RBFOX1: variants seen among roughly 807,000 people sequenced by gnomAD.
RBFOX1 encodes the protein RNA binding protein fox-1 homolog 1.
RBFOX1 carries 8 observed loss-of-function variants against 57.7 expected under a neutral mutation model. That is an observed-to-expected ratio of 0.14 (90% CI 0.08 to 0.25). The LOEUF is 0.25. RBFOX1 is among the 10% of genes least tolerant of loss of function. RBFOX1 has a pLI of 1.00. For synonymous variants in RBFOX1, 326 were observed against 222.4 expected, an observed-to-expected ratio of 1.47 and a Z score of -4.15; for missense variants, 611 against 548.5, an observed-to-expected ratio of 1.11 and a Z score of -1.14.
intron 3 of RBFOX1, among the ~76,000 whole-genome samples, chr16:6,961,822 G>A (rs533855521): frequency 3.3e-5 from 5 of 152,216 alleles, no homozygotes; most frequent in African/African-American, 9.6e-5. Flanking sequence ...AATGTATAAT[G>A]AGCAGTGAGA....
chr16:5,631,981 C>A (rs1279421766), intron 3 of RBFOX1, among the ~76,000 whole-genome samples: 1 of 152,140 alleles, frequency 6.6e-6, no homozygotes, highest in Non-Finnish European at 1.5e-5. Context: ...CACCTGTTTG[C>A]TCTCTATAAG....
chr16:6,020,526 T>TGGG (rs2095050305), intron 1 of RBFOX1, among the ~76,000 whole-genome samples: 1 of 152,102 alleles, frequency 6.6e-6, no homozygotes, highest in South Asian at 2.1e-4. Context: ...TTACTGGCAC[T>TGGG]GGAATCGATG....
At chr16:6,903,435 G>A (rs1347236959) in intron 3 of RBFOX1, among the ~76,000 whole-genome samples, 1 of 152,206 alleles carries the variant, frequency 6.6e-6, no homozygotes, top group African/African-American at 2.4e-5. Flanking sequence ...GATCCGTGAA[G>A]TCTGCCATCA....
At chr16:7,693,693 G>A (rs941569545) in intron 14 of RBFOX1, among the ~76,000 whole-genome samples, 7 of 152,102 alleles carry the variant, frequency 4.6e-5, no homozygotes, top group African/African-American at 1.7e-4. Context: ...AGGAAGATTA[G>A]GTACACAGAC....
At chr16:6,384,010 C>T (rs750618476) in intron 2 of RBFOX1, among the ~76,000 whole-genome samples, 1 of 151,028 alleles carries the variant, frequency 6.6e-6, no homozygotes, top group African/African-American at 2.4e-5. Flanking sequence ...TCTCTTTCTA[C>T]CCTGAAATGT....
intron 4 of RBFOX1, among the ~76,000 whole-genome samples, chr16:7,321,812 G>A (rs1406980884): frequency 6.6e-6 from 1 of 152,186 alleles, no homozygotes; most frequent in African/African-American, 2.4e-5. Context: ...GTCCCACAAG[G>A]ACACTGCTAA....
intron 3 of RBFOX1, among the ~76,000 whole-genome samples, chr16:5,690,215 C>G (rs927300284): frequency 6.6e-5 from 10 of 152,232 alleles, no homozygotes; most frequent in African/African-American, 2.2e-4. Context: ...ACATTGAAGA[C>G]AGTCATCCAT....
At chr16:7,347,991 G>T (rs74467034) in intron 4 of RBFOX1, among the ~76,000 whole-genome samples, 2 of 152,156 alleles carry the variant, frequency 1.3e-5, no homozygotes, top group Non-Finnish European at 2.9e-5. Flanking sequence ...GCCCACCTTG[G>T]TGCCAGTCTT....
At chr16:7,545,898 C>G (rs1358793525) in intron 5 of RBFOX1, among the ~76,000 whole-genome samples, 1 of 151,764 alleles carries the variant, frequency 6.6e-6, no homozygotes, top group African/African-American at 2.4e-5. Context: ...TCCTGCCTAC[C>G]TGACAGAACT....
At chr16:7,455,760 C>G (rs1170744054) in intron 4 of RBFOX1, among the ~76,000 whole-genome samples, 1 of 132,492 alleles carries the variant, frequency 7.5e-6, no homozygotes, top group East Asian at 2.1e-4. Flanking sequence ...GCACTCCAGC[C>G]TGGGAACAGA....
chr16:5,649,926 A>G (rs916366071), intron 3 of RBFOX1, among the ~76,000 whole-genome samples: 5 of 152,106 alleles, frequency 3.3e-5, no homozygotes, highest in African/African-American at 1.2e-4. Flanking sequence ...AGGAGGTAGC[A>G]CTCGAGTTCG....
intron 2 of RBFOX1, among the ~76,000 whole-genome samples, chr16:6,426,146 C>T (rs2093921718): frequency 1.3e-5 from 2 of 152,000 alleles, no homozygotes; most frequent in Admixed American, 1.3e-4. Flanking sequence ...CTCTCTGTCT[C>T]TCTTTCTGTC....
intron 3 of RBFOX1, among the ~76,000 whole-genome samples, chr16:5,860,905 TA>T (rs1197087491): frequency 6.6e-6 from 1 of 152,184 alleles, no homozygotes; most frequent in Non-Finnish European, 1.5e-5. Flanking sequence ...CAGGTGGAGA[TA>T]AAAAGGAATG....
At chr16:7,389,882 A>G (rs555521905) in intron 4 of RBFOX1, among the ~76,000 whole-genome samples, 1 of 152,252 alleles carries the variant, frequency 6.6e-6, no homozygotes, top group South Asian at 2.1e-4. Flanking sequence ...CCAAATAAGA[A>G]GATGGGGGTT....
intron 1 of RBFOX1, among the ~76,000 whole-genome samples, chr16:6,045,975 G>A (rs1241510015): frequency 6.6e-6 from 1 of 152,216 alleles, no homozygotes. Flanking sequence ...TTGGTGTCAT[G>A]AGTGAGGAGA....
intron 4 of RBFOX1, among the ~76,000 whole-genome samples, chr16:7,157,796 A>G (rs1031571219): frequency 3.3e-5 from 5 of 152,144 alleles, no homozygotes; most frequent in African/African-American, 1.2e-4. Context: ...TTGGATTTAC[A>G]TGTTTTCCCT....
intron 3 of RBFOX1, among the ~76,000 whole-genome samples, chr16:5,620,494 C>T (rs1025434408): frequency 2.6e-5 from 4 of 152,110 alleles, no homozygotes; most frequent in African/African-American, 9.7e-5. Flanking sequence ...GTTCTGGAGG[C>T]CAGAAACCTG....
intron 3 of RBFOX1, among the ~76,000 whole-genome samples, chr16:6,766,871 A>T (rs2077403823): frequency 6.6e-6 from 1 of 152,004 alleles, no homozygotes; most frequent in African/African-American, 2.4e-5. Flanking sequence ...AAGCTGATGG[A>T]ACAGCAAGTA....
chr16:6,820,492 A>G (rs1461770809), intron 3 of RBFOX1, among the ~76,000 whole-genome samples: 6 of 152,116 alleles, frequency 3.9e-5, no homozygotes, highest in Non-Finnish European at 8.8e-5. Flanking sequence ...CCGTCTCTAC[A>G]GAAAAAGTTT....
Sources: allele counts gnomAD v4.1 joint callset (sites outside exome capture counted in the v4.1 genomes callset), GRCh38; gene constraint gnomAD v4.1.1; transcripts MANE v1.5; gene names NCBI Gene and HGNC (gene_info 2026-07-23, HGNC 2026-07-21).